The following NCAPD3 variants were observed in gnomAD, a reference collection of about 807,000 sequenced individuals.
The protein encoded by NCAPD3 is non-SMC condensin II complex subunit D3, also known as condensin-2 complex subunit D3.
Under a neutral mutation model 182.9 loss-of-function variants are expected in NCAPD3, and 105 were observed. The ratio of observed to expected loss-of-function variants is 0.57; its 90% CI spans 0.49 to 0.68. The LOEUF (loss-of-function observed/expected upper bound fraction) is 0.68. NCAPD3 is among the 30% of genes least tolerant of loss of function. The pLI is 0.00. For synonymous variants in NCAPD3, 815 were observed against 679.9 expected, an observed-to-expected ratio of 1.20 and a Z score of -3.09; for missense variants, 1,944 against 1,837.0, an observed-to-expected ratio of 1.06 and a Z score of -1.07.
chr11:134,166,743 T>TA (rs1943821633), intron 27 of NCAPD3, among the ~76,000 whole-genome samples: 2 of 77,884 alleles, frequency 2.6e-5, no homozygotes, highest in East Asian at 3.8e-4. Context: ...GAGATGAGCT[T>TA]GGGGGAGGCG....
rs1014612358 is a variant in NCAPD3 at position 134,204,247 on chromosome 11, T to C, written c.1090-76A>G. 23 of 1,505,206 alleles carry C rather than the reference T, an allele frequency of 1.5e-5. No individual in the cohort carries two copies. Among genetic ancestry groups the C allele is most frequent in the Non-Finnish European group, 1.9e-5 (21 of 1,105,756 alleles). The allele number at this position is 1,505,206 out of a possible 1,614,324, so 93.2% of individuals were successfully genotyped here. ...CTGAAACATATTCTGTAATATAAGT[T>C]GAAAGTCAGTGAGTACAACTAGTTC... On this transcript the variant is annotated intron_variant, in intron 9 of 34. Transcript: ENST00000534548. This position sits in a 1 kb window ranked among gnomAD's most constrained non-coding sequence, Gnocchi z 4.3.
intron 22 of NCAPD3, among the ~76,000 whole-genome samples, chr11:134,178,275 A>T (rs1417742369): frequency 3.9e-5 from 6 of 152,234 alleles, no homozygotes; most frequent in Admixed American, 3.9e-4. Context: ...GTGGGGCTGC[A>T]TTATGAATAT....
chr11:134,204,941 T>G lies in NCAPD3; in HGVS notation c.1047A>C (p.Ile349=). Residue 349 remains isoleucine (I), a synonymous_variant, in exon 9 of 35, where the codon ATA becomes ATC. Transcript: ENST00000534548. This position sits in a 1 kb window ranked among gnomAD's most constrained non-coding sequence, Gnocchi z 4.3. ...SALVDELKES[I]FPVVRILLQH... is the part of the protein sequence containing the mutation. ...GCAGTAAGATACGGACGACTGGGAA[T>G]ATACTCTCCTTTAATTCATCCACAA... The G allele has an allele frequency of 6.2e-7, 1 of 1,613,858 alleles. No homozygotes were observed. The highest frequency in any genetic ancestry group is 8.5e-7 in the Non-Finnish European group (1 of 1,179,804).
chr11:134,158,284 C>A (rs762754818), intron 30 of NCAPD3, 45 bp downstream of exon 30: 1 of 1,606,580 alleles, frequency 6.2e-7, no homozygotes, highest in Non-Finnish European at 8.5e-7. Flanking sequence ...CTGAGAACAT[C>A]GCCACAGAGA....
intron 4 of NCAPD3, chr11:134,209,718 G>C (rs893244686): frequency 9.7e-5 from 41 of 422,080 alleles, no homozygotes; most frequent in African/African-American, 8.2e-4. Flanking sequence ...CTTTTTTTCA[G>C]AATTTTTGCT....
chr11:134,162,090 C>T (rs1228564876), intron 27 of NCAPD3, among the ~76,000 whole-genome samples, 199 bp from the exon 28 acceptor site: 2 of 152,158 alleles, frequency 1.3e-5, no homozygotes, highest in Non-Finnish European at 2.9e-5. Flanking sequence ...ACTCTGAAGG[C>T]TTTGTAAGAT....
rs756550933 is a variant in NCAPD3, at chr11:134,185,523, T to C, written c.2049A>G (p.Arg683=). 2 of 1,578,548 alleles carry C rather than the reference T, an allele frequency of 1.3e-6. No individual in the cohort carries two copies. The highest frequency in any genetic ancestry group is 1.7e-6 in the Non-Finnish European group (2 of 1,165,390). Residue 683 remains arginine (R), a synonymous_variant, in exon 17 of 35, where the codon CGA becomes CGG. Transcript: ENST00000534548. ...LLTTESQELS[R]YLNKAFHIWS... ...AGATATGAAAAGCCTTATTTAAATA[T>C]CGGCTGGAAAAAAAAAAGATAGAAA...
upstream of NCAPD3, chr11:134,225,057 T>G: frequency 6.7e-7 from 1 of 1,485,904 alleles, no homozygotes; most frequent in Non-Finnish European, 9.1e-7. Flanking sequence ...CTTCTTTACC[T>G]AGGGCAGCCC....
Position 134,179,181 on chromosome 11 carries a change from G to T in NCAPD3, c.2560-245C>A, listed in dbSNP as rs80247093. On this transcript the variant is annotated intron_variant, in intron 20 of 34. Coordinates refer to ENST00000534548, the MANE Select transcript of NCAPD3 (RefSeq NM_015261.3). ...TCTAGACACATCTGCAAGTAAAAGG[G>T]GGTGCTATTAATAATTATTTTGTGA... Among the ~76,000 whole-genome samples, 36 of 152,140 alleles carry T rather than the reference G, an allele frequency of 2.4e-4. No homozygotes were observed. In the South Asian group the frequency reaches 6.9e-3, roughly 29 times the overall value.
At chr11:134,153,591 C>T (rs995192892) in intron 32 of NCAPD3, 10 of 573,970 alleles carry the variant, frequency 1.7e-5, no homozygotes, top group Admixed American at 3.0e-5. Flanking sequence ...CTCAGGCACT[C>T]GGCTGGCCCC....
At chr11:134,218,110 A>AGGGGGGGG (rs5795873) in intron 2 of NCAPD3, among the ~76,000 whole-genome samples, 1 of 59,550 alleles carries the variant, frequency 1.7e-5, no homozygotes, top group African/African-American at 6.5e-5. Flanking sequence ...AAAAAAAAAA[A>AGGGGGGGG]GGGGGGGGGG....
intron 24 of NCAPD3, among the ~76,000 whole-genome samples, 199 bp downstream of exon 24, chr11:134,176,108 C>A (rs1201737404): frequency 6.6e-6 from 1 of 152,078 alleles, no homozygotes; most frequent in Non-Finnish European, 1.5e-5. Context: ...TGAATCTAAC[C>A]ATTTTCTTTT....
intron 27 of NCAPD3, among the ~76,000 whole-genome samples, chr11:134,162,811 A>T (rs1053713953): frequency 6.6e-6 from 1 of 152,232 alleles, no homozygotes; most frequent in African/African-American, 2.4e-5. Context: ...TGCAAAATGA[A>T]GCTAAGCATC....
intron 27 of NCAPD3, among the ~76,000 whole-genome samples, chr11:134,165,048 C>G (rs558634940): frequency 1.1e-4 from 16 of 148,494 alleles, no homozygotes; most frequent in South Asian, 6.4e-4. Flanking sequence ...GAGCTGCACA[C>G]ACTTAGATTA....
upstream of NCAPD3, chr11:134,224,868 A>T (rs1168141591): frequency 5.9e-6 from 1 of 169,628 alleles, no homozygotes; most frequent in Admixed American, 6.4e-5. Flanking sequence ...GGCTCGGCCG[A>T]GGGCACTGCT....
chr11:134,170,294 A>G (rs74754332), intron 24 of NCAPD3, among the ~76,000 whole-genome samples: 3,075 of 152,324 alleles, frequency 0.02, 102 homozygotes, highest in African/African-American at 0.07. Flanking sequence ...AAGGACAACC[A>G]GAAGCACCTG....
rs1427651053 is a variant in NCAPD3 at position 134,153,127 on chromosome 11, C to T, written c.4388+13G>A. The T allele has an allele frequency of 6.2e-7, 1 of 1,613,832 alleles. No individual in the cohort carries two copies. Among genetic ancestry groups the T allele is most frequent in the African/African-American group, 1.3e-5 (1 of 74,918 alleles). ...AGAAACATCCACCTCAAAAGGAACA[C>T]TGCTAAACTTACGGTTTATCAGGCA... On this transcript the variant is annotated intron_variant, in intron 34 of 34. Coordinates refer to ENST00000534548, the MANE Select transcript of NCAPD3 (RefSeq NM_015261.3).
intron 1 of NCAPD3, among the ~76,000 whole-genome samples, chr11:134,222,399 G>A (rs1319099266): frequency 1.3e-5 from 2 of 152,144 alleles, no homozygotes; most frequent in East Asian, 3.8e-4. Flanking sequence ...TCACACTTAG[G>A]ATACCAAAAA....
chr11:134,201,551 G>C (rs965584281), intron 13 of NCAPD3, among the ~76,000 whole-genome samples: 1 of 152,174 alleles, frequency 6.6e-6, no homozygotes, highest in Non-Finnish European at 1.5e-5. Flanking sequence ...AAAGCAAAGA[G>C]AGCAAAGTGC....
Sources: allele counts gnomAD v4.1 joint callset (sites outside exome capture counted in the v4.1 genomes callset), GRCh38; gene constraint gnomAD v4.1.1; non-coding constraint Gnocchi (gnomAD v3.1); transcripts MANE v1.5; gene names NCBI Gene and HGNC (gene_info 2026-07-23, HGNC 2026-07-21).